Variants in LRP8 observed in about 807,000 individuals in gnomAD.
LRP8 encodes the protein LDL receptor related protein 8, also known as low-density lipoprotein receptor-related protein 8.
Under a neutral mutation model 111.6 loss-of-function variants are expected in LRP8, and 46 were observed. The observed-to-expected ratio is 0.41, with a 90% CI of 0.33 to 0.53. The LOEUF (loss-of-function observed/expected upper bound fraction) is 0.53, where lower values mean the gene tolerates loss of function less well. LRP8 is among the 20% of genes least tolerant of loss of function. LRP8 has a pLI of 0.20. For missense variants in LRP8, 959 were observed against 1,297.4 expected (o/e 0.74, Z 4.01); for synonymous variants, 464 against 511.2 (o/e 0.91, Z 1.24).
At chr1:53,287,964 C>T (rs1176377351) in intron 3 of LRP8, 1 of 115,674 alleles carries the variant, frequency 8.6e-6, no homozygotes, top group African/African-American at 3.4e-5. Flanking sequence ...GGGACATCCA[C>T]ACAAAGAGAT....
intron 2 of LRP8, among the ~76,000 whole-genome samples, chr1:53,312,091 A>G (rs1653105375): frequency 6.6e-6 from 1 of 152,226 alleles, no homozygotes; most frequent in Non-Finnish European, 1.5e-5. Flanking sequence ...CATGCCTGGA[A>G]GAATAGAAAT....
intron 3 of LRP8, among the ~76,000 whole-genome samples, chr1:53,285,845 G>A (rs1200647200): frequency 6.6e-6 from 1 of 152,184 alleles, no homozygotes; most frequent in Middle Eastern, 3.2e-3. Context: ...CTGAGAGGCA[G>A]GAGTGAAGAA....
intron 10 of LRP8, 30 bp downstream of exon 10, chr1:53,264,139 G>T: frequency 6.2e-7 from 1 of 1,602,218 alleles, no homozygotes; most frequent in Non-Finnish European, 8.5e-7. Context: ...CCTATGGTGG[G>T]AGAATGGGAA....
intron 6 of LRP8, chr1:53,272,765 G>A (rs1321864097): frequency 2.5e-6 from 2 of 796,346 alleles, no homozygotes; most frequent in East Asian, 1.3e-4. Flanking sequence ...CCCACCTCTA[G>A]GAATCTTTCA....
rs1051249417 is a variant in LRP8, at chr1:53,303,827, C to T, written c.245-14138G>A. Among the ~76,000 whole-genome samples, 5 of 152,222 alleles carry T rather than the reference C, an allele frequency of 3.3e-5. No homozygotes were observed. The highest frequency in any genetic ancestry group is 1.9e-4 in the East Asian group (1 of 5,196). Reference sequence around the variant, plus strand: ...CATTCGCCCTCTTGAATGCTCTCAGCGACAGGGGACTCAGTCAGCCGTGCT... The same window carrying T: ...CATTCGCCCTCTTGAATGCTCTCAGTGACAGGGGACTCAGTCAGCCGTGCT... On this transcript the variant is annotated intron_variant, in intron 2 of 18. Coordinates refer to ENST00000306052, the MANE Select transcript of LRP8 (RefSeq NM_004631.5). This position sits in a 1 kb window ranked among gnomAD's most constrained non-coding sequence, Gnocchi z 4.3.
chr1:53,260,959 CTA>C (rs1646313361), intron 12 of LRP8, among the ~76,000 whole-genome samples: 1 of 152,188 alleles, frequency 6.6e-6, no homozygotes, highest in Non-Finnish European at 1.5e-5. Flanking sequence ...AATGTGTGAG[CTA>C]TGAGGGTTAT....
chr1:53,255,305 G>A, intron 15 of LRP8, 120 bp from the exon 16 acceptor site: 2 of 818,662 alleles, frequency 2.4e-6, no homozygotes. Flanking sequence ...TGATGATCCT[G>A]GCTGTTGCCT....
At chr1:53,265,365 T>C (rs1448972686) in intron 9 of LRP8, among the ~76,000 whole-genome samples, 1 of 152,148 alleles carries the variant, frequency 6.6e-6, no homozygotes, top group Non-Finnish European at 1.5e-5. Context: ...TTGAACTCAA[T>C]ATGTCCAAAA....
intron 4 of LRP8, 21 bp downstream of exon 4, chr1:53,280,566 G>A: frequency 6.2e-7 from 1 of 1,609,576 alleles, no homozygotes; most frequent in Non-Finnish European, 8.5e-7. Flanking sequence ...GCAGACCCTG[G>A]AGATCTGACC....
chr1:53,276,131 G>A (rs758690055), intron 5 of LRP8, among the ~76,000 whole-genome samples: 16 of 152,150 alleles, frequency 1.1e-4, no homozygotes, highest in Non-Finnish European at 2.2e-4. Context: ...TGTGCCAGGT[G>A]CTGTGCTGGG....
At chr1:53,261,622 C>A (rs900687057) in intron 12 of LRP8, among the ~76,000 whole-genome samples, 2 of 152,206 alleles carry the variant, frequency 1.3e-5, no homozygotes, top group Admixed American at 6.5e-5. Context: ...GTGTCTGATT[C>A]ACTTCTATGA....
intron 2 of LRP8, among the ~76,000 whole-genome samples, chr1:53,301,198 G>A (rs1176815535): frequency 6.6e-6 from 1 of 152,210 alleles, no homozygotes; most frequent in South Asian, 2.1e-4. Context: ...CGGCTCAGAG[G>A]TGGGGATCAT....
At chr1:53,295,972 G>C (rs1336567488) in intron 2 of LRP8, among the ~76,000 whole-genome samples, 2 of 152,208 alleles carry the variant, frequency 1.3e-5, no homozygotes, top group African/African-American at 2.4e-5. Context: ...TTAGCCGTCT[G>C]TCTCTGGGCC....
At chr1:53,322,797 C>T (rs933133307) in intron 2 of LRP8, among the ~76,000 whole-genome samples, 2 of 152,162 alleles carry the variant, frequency 1.3e-5, no homozygotes, top group Non-Finnish European at 2.9e-5. Context: ...CAGATGCGGG[C>T]TACAGCACAG....
In LRP8 at chr1:53,275,456, G is replaced by A. The variant is rs1276543877; in HGVS notation, c.1006+175C>T. Among the ~76,000 whole-genome samples, 1 of 152,148 alleles carries A rather than the reference G, an allele frequency of 6.6e-6. No individual in the cohort carries two copies. The highest frequency in any genetic ancestry group is 2.4e-5 in the African/African-American group (1 of 41,414). On this transcript the variant is annotated intron_variant, in intron 6 of 18. Coordinates refer to ENST00000306052, the MANE Select transcript of LRP8 (RefSeq NM_004631.5). This position sits in a 1 kb window ranked among gnomAD's most constrained non-coding sequence, Gnocchi z 4.4. ...CAAAGTCCTTACAAATCCAGTTCTG[G>A]TGCTACTAGGACCCCATGGAAAGGG...
At chr1:53,325,387 A>G (rs960862010) in intron 2 of LRP8, among the ~76,000 whole-genome samples, 2 of 152,230 alleles carry the variant, frequency 1.3e-5, no homozygotes. Context: ...TTTATACAAG[A>G]TAAGTACTTA....
chr1:53,253,642 G>A (rs1473099170), intron 16 of LRP8, among the ~76,000 whole-genome samples: 2 of 152,118 alleles, frequency 1.3e-5, no homozygotes, highest in Non-Finnish European at 2.9e-5. Flanking sequence ...GGCAAAGGAT[G>A]GCAAGAAAGG....
chr1:53,284,814 T>C (rs1647313978), intron 3 of LRP8, among the ~76,000 whole-genome samples: 2 of 152,286 alleles, frequency 1.3e-5, no homozygotes, highest in East Asian at 1.9e-4. Context: ...GCTCTTGGAA[T>C]GCCAGGACTT....
chr1:53,296,915 C>A (rs1277622410), intron 2 of LRP8, among the ~76,000 whole-genome samples: 3 of 152,180 alleles, frequency 2.0e-5, no homozygotes, highest in African/African-American at 7.2e-5. Context: ...CCCAAGTGAA[C>A]CCCCAACATA....
Sources: gnomAD v4.1 joint callset for allele counts (sites outside exome capture counted in the v4.1 genomes callset) on GRCh38, gnomAD v4.1.1 for gene constraint, Gnocchi (gnomAD v3.1) non-coding constraint, MANE v1.5 for transcripts, NCBI Gene and HGNC (gene_info 2026-07-23, HGNC 2026-07-21) for gene names.